Variants in SLC10A7 observed in about 807,000 individuals in gnomAD.
The protein encoded by SLC10A7 is sodium/bile acid cotransporter 7.
Under a neutral mutation model 43.2 loss-of-function variants are expected in SLC10A7, and 29 were observed. That is an observed-to-expected ratio of 0.67 (90% CI 0.50 to 0.92). SLC10A7 has a LOEUF of 0.92. Among genes scored for constraint, SLC10A7 ranks in the 40% least tolerant of loss-of-function variants. The pLI is 0.00. For synonymous variants in SLC10A7, 152 were observed against 144.8 expected, an observed-to-expected ratio of 1.05 and a Z score of -0.35; for missense variants, 295 against 403.2, an observed-to-expected ratio of 0.73 and a Z score of 2.30.
At chr4:146,351,367 A>G (rs1227733900) in intron 5 of SLC10A7, among the ~76,000 whole-genome samples, 1 of 152,126 alleles carries the variant, frequency 6.6e-6, no homozygotes, top group Non-Finnish European at 1.5e-5. Context: ...AGCCTCCAAG[A>G]AATATGGGAC....
At chr4:146,338,375 T>C (rs1734034253) in intron 5 of SLC10A7, among the ~76,000 whole-genome samples, 1 of 151,908 alleles carries the variant, frequency 6.6e-6, no homozygotes, top group Non-Finnish European at 1.5e-5. Flanking sequence ...ACAATTCTCA[T>C]TTTACAGAGG....
chr4:146,342,930 T>C (rs1350803277), intron 5 of SLC10A7, among the ~76,000 whole-genome samples: 1 of 151,794 alleles, frequency 6.6e-6, no homozygotes, highest in Non-Finnish European at 1.5e-5. Context: ...AGAAGAGTAA[T>C]ATAATGAAAA....
At chr4:146,348,959 A>T (rs1734820467) in intron 5 of SLC10A7, among the ~76,000 whole-genome samples, 2 of 152,206 alleles carry the variant, frequency 1.3e-5, no homozygotes, top group South Asian at 4.1e-4. Flanking sequence ...AAATGCCTGA[A>T]ACAGATGAGA....
chr4:146,416,739 C>A (rs1018792700), intron 5 of SLC10A7, among the ~76,000 whole-genome samples: 3 of 152,174 alleles, frequency 2.0e-5, no homozygotes, highest in African/African-American at 7.2e-5. Flanking sequence ...AAGCCAAAAT[C>A]TTTTCAATGA....
In SLC10A7 at chr4:146,269,268, C is replaced by T. The variant is rs570579814; in HGVS notation, c.848-10431G>A. Among the ~76,000 whole-genome samples the T allele has an allele frequency of 1.2e-4, 18 of 152,350 alleles. No homozygotes were observed. The South Asian group carries it at 3.1e-3, about 26-fold the overall frequency. On this transcript the variant is annotated intron_variant, in intron 10 of 11. Transcript: ENST00000335472. ...ATTTAACTCTACCAATTGAAGGTTT[C>T]TGCCTCAGAAGATCAGGTACACCCT...
intron 5 of SLC10A7, among the ~76,000 whole-genome samples, chr4:146,412,812 T>C (rs1728290403): frequency 6.6e-6 from 1 of 152,096 alleles, no homozygotes; most frequent in African/African-American, 2.4e-5. Flanking sequence ...TCTTACTTAC[T>C]CTGCTTATTT....
chr4:146,260,570 G>A (rs1265729711), intron 10 of SLC10A7, among the ~76,000 whole-genome samples: 3 of 152,170 alleles, frequency 2.0e-5, no homozygotes, highest in Non-Finnish European at 2.9e-5. Flanking sequence ...GATCTCAGAA[G>A]GGAAGCCATA....
intron 10 of SLC10A7, among the ~76,000 whole-genome samples, chr4:146,260,110 C>T (rs1728129831): frequency 6.6e-6 from 1 of 152,190 alleles, no homozygotes; most frequent in Non-Finnish European, 1.5e-5. Flanking sequence ...TAACTCTTCC[C>T]AAACATAGTC....
chr4:146,349,839 A>G (rs1734898998), intron 5 of SLC10A7, among the ~76,000 whole-genome samples: 1 of 152,128 alleles, frequency 6.6e-6, no homozygotes, highest in Non-Finnish European at 1.5e-5. Context: ...CTAATAGAGC[A>G]GGGATGAAGG....
At chr4:146,349,638 A>G (rs961596525) in intron 5 of SLC10A7, among the ~76,000 whole-genome samples, 4 of 152,228 alleles carry the variant, frequency 2.6e-5, no homozygotes, top group Non-Finnish European at 5.9e-5. Context: ...GATTAGATAA[A>G]GAAAATGTGG....
At chr4:146,265,383 A>G (rs1023622481) in intron 10 of SLC10A7, among the ~76,000 whole-genome samples, 1 of 152,182 alleles carries the variant, frequency 6.6e-6, no homozygotes, top group Non-Finnish European at 1.5e-5. Context: ...AATCCTTGTT[A>G]AAGCTGAGCC....
At chr4:146,391,403 G>T (rs1738416934) in intron 5 of SLC10A7, among the ~76,000 whole-genome samples, 1 of 152,192 alleles carries the variant, frequency 6.6e-6, no homozygotes, top group Non-Finnish European at 1.5e-5. Context: ...CAGAAAAACA[G>T]TCTGTGTGAC....
rs539824951 is a variant in SLC10A7 at position 146,335,761 on chromosome 4, T to C, written c.436-9765A>G. Among the ~76,000 whole-genome samples, 4 of 152,220 alleles carry C rather than the reference T, an allele frequency of 2.6e-5. No individual in the cohort carries two copies. In the South Asian group the frequency reaches 6.2e-4, roughly 24 times the overall value. On this transcript the variant is annotated intron_variant, in intron 5 of 11. Coordinates refer to ENST00000335472, the MANE Select transcript of SLC10A7 (RefSeq NM_001029998.6). Reference sequence around the variant, plus strand: ...AGAAAAACTTCTCTCCAAGGTGACATTGATTGCCTAACACTTCATGAACAC... The same window carrying C: ...AGAAAAACTTCTCTCCAAGGTGACACTGATTGCCTAACACTTCATGAACAC...
rs10695588 is a variant in SLC10A7, at chr4:146,461,823, C to CTTT, written c.397-19005_397-19003dup. Among the ~76,000 whole-genome samples the CTTT allele has an allele frequency of 4.4e-3, 604 of 136,334 alleles. 8 individuals are homozygous for CTTT. Among genetic ancestry groups the CTTT allele is most frequent in the Admixed American group, 0.03 (405 of 13,560 alleles). The allele number at this position is 136,334 out of a possible 152,430, so 89.4% of individuals were successfully genotyped here. A position where few individuals can be genotyped will look rare whatever the true frequency, so the allele number is the denominator to read the frequency against. ...GGTGCTTAAAAGGAGAGTGACCAGG[C>CTTT]TTTTTTTTTTTTTAAATGAGAGCAC... On this transcript the variant is annotated intron_variant, in intron 4 of 11. Coordinates refer to ENST00000335472, the MANE Select transcript of SLC10A7 (RefSeq NM_001029998.6).
chr4:146,281,013 T>C (rs927201432), intron 10 of SLC10A7, among the ~76,000 whole-genome samples: 1 of 152,178 alleles, frequency 6.6e-6, no homozygotes, highest in East Asian at 1.9e-4. Context: ...ATTACACTAG[T>C]ACAGCATCAT....
intron 2 of SLC10A7, among the ~76,000 whole-genome samples, chr4:146,516,134 A>C (rs2150056957): frequency 6.6e-6 from 1 of 152,202 alleles, no homozygotes; most frequent in East Asian, 1.9e-4. Context: ...TTCCAAAAAC[A>C]AAATACCTTC....
chr4:146,386,430 A>G (rs1738001943), intron 5 of SLC10A7, among the ~76,000 whole-genome samples: 1 of 152,182 alleles, frequency 6.6e-6, no homozygotes, highest in African/African-American at 2.4e-5. Flanking sequence ...TGCACTCACC[A>G]ATTACCAGTC....
intron 5 of SLC10A7, among the ~76,000 whole-genome samples, chr4:146,420,380 A>G (rs999952537): frequency 6.6e-6 from 1 of 152,182 alleles, no homozygotes; most frequent in Non-Finnish European, 1.5e-5. Context: ...TTTACCATAT[A>G]ATATTCCAGA....
At chr4:146,459,651 C>T (rs1268183860) in intron 4 of SLC10A7, among the ~76,000 whole-genome samples, 1 of 150,632 alleles carries the variant, frequency 6.6e-6, no homozygotes, top group African/African-American at 2.4e-5. Flanking sequence ...TGCTTATTCA[C>T]ACTACACACA....
Sources: allele counts gnomAD v4.1 joint callset (sites outside exome capture counted in the v4.1 genomes callset), GRCh38; gene constraint gnomAD v4.1.1; transcripts MANE v1.5; gene names NCBI Gene and HGNC (gene_info 2026-07-23, HGNC 2026-07-21).